MAP2: variants seen among roughly 807,000 people sequenced by gnomAD.
MAP2 encodes the protein microtubule associated protein 2.
In MAP2, 14 loss-of-function variants were observed where a neutral mutation model predicts 137.6. The ratio of observed to expected loss-of-function variants is 0.10; its 90% CI spans 0.07 to 0.16. The LOEUF (loss-of-function observed/expected upper bound fraction) is 0.16. Among genes scored for constraint, MAP2 ranks in the 10% least tolerant of loss-of-function variants. MAP2 has a pLI of 1.00. For missense variants in MAP2, 2,088 were observed against 2,191.5 expected, an observed-to-expected ratio of 0.95 and a Z score of 0.94; for synonymous variants, 786 against 782.3, an observed-to-expected ratio of 1.00 and a Z score of -0.08.
intron 7 of MAP2, among the ~76,000 whole-genome samples, chr2:209,685,750 T>C (rs1465261987): frequency 1.3e-5 from 2 of 152,220 alleles, no homozygotes; most frequent in African/African-American, 4.8e-5. Context: ...TACCATTTTT[T>C]TAAATGCTAT....
chr2:209,437,477 T>A (rs1696625195), intron 1 of MAP2, among the ~76,000 whole-genome samples: 1 of 151,682 alleles, frequency 6.6e-6, no homozygotes, highest in African/African-American at 2.4e-5. Context: ...GTTTTACATA[T>A]TCTCATGTGA....
chr2:209,608,759 C>T (rs1229567812), intron 3 of MAP2, among the ~76,000 whole-genome samples: 1 of 152,092 alleles, frequency 6.6e-6, no homozygotes, highest in Non-Finnish European at 1.5e-5. Flanking sequence ...AATTAGGATT[C>T]CATCCCCTCT....
At chr2:209,655,477 A>C (rs1163289526) in intron 5 of MAP2, among the ~76,000 whole-genome samples, 2 of 152,358 alleles carry the variant, frequency 1.3e-5, no homozygotes, top group Non-Finnish European at 2.9e-5. Context: ...ATGTCTACAG[A>C]GGATGTTCCA....
In MAP2 at chr2:209,541,282, G is replaced by A. The variant is rs375812643; in HGVS notation, c.-172+33641G>A. Among the ~76,000 whole-genome samples, 10 of 151,122 alleles carry A rather than the reference G, an allele frequency of 6.6e-5. No homozygotes were observed. In the East Asian group the frequency reaches 1.2e-3, roughly 18 times the overall value. On this transcript the variant is annotated intron_variant, in intron 2 of 15. Coordinates refer to ENST00000682079, the MANE Select transcript of MAP2 (RefSeq NM_001375505.1). Reference sequence around the variant, plus strand: ...TAACTTCAAGTGATCCATCTGCCTCGGCCTCCCGAAGTGCTGGGATTACAG... The same window carrying A: ...TAACTTCAAGTGATCCATCTGCCTCAGCCTCCCGAAGTGCTGGGATTACAG...
chr2:209,597,406 A>G (rs1579869126), intron 3 of MAP2, among the ~76,000 whole-genome samples: 1 of 152,172 alleles, frequency 6.6e-6, no homozygotes, highest in Admixed American at 6.5e-5. Flanking sequence ...ATTCAGTTCC[A>G]CTTTCTAACC....
chr2:209,720,850 A>C (rs753003365), intron 13 of MAP2, among the ~76,000 whole-genome samples: 5 of 152,090 alleles, frequency 3.3e-5, no homozygotes, highest in Non-Finnish European at 1.5e-5. Context: ...TAGGAAAACA[A>C]ATGTTTTTCT....
intron 3 of MAP2, among the ~76,000 whole-genome samples, chr2:209,616,207 T>G (rs1252309892): frequency 6.6e-6 from 1 of 152,228 alleles, no homozygotes; most frequent in Non-Finnish European, 1.5e-5. Context: ...CACACAAGCA[T>G]GGCCTAGTGA....
intron 2 of MAP2, among the ~76,000 whole-genome samples, chr2:209,566,662 G>C (rs916434743): frequency 6.6e-6 from 1 of 151,930 alleles, no homozygotes; most frequent in African/African-American, 2.4e-5. Context: ...AATCAGTCTT[G>C]GCGTTTCTGT....
intron 3 of MAP2, among the ~76,000 whole-genome samples, chr2:209,622,115 G>T (rs2091348381): frequency 6.6e-6 from 1 of 152,174 alleles, no homozygotes; most frequent in South Asian, 2.1e-4. Flanking sequence ...GCTCTAAAAG[G>T]TTCTGGAAGG....
intron 1 of MAP2, among the ~76,000 whole-genome samples, chr2:209,430,546 A>G (rs1225157759): frequency 2.0e-5 from 3 of 152,184 alleles, no homozygotes; most frequent in Admixed American, 2.0e-4. Context: ...AATGAAATCA[A>G]ATTAGATTAA....
At chr2:209,533,308 C>G (rs1343651938) in intron 2 of MAP2, among the ~76,000 whole-genome samples, 1 of 152,074 alleles carries the variant, frequency 6.6e-6, no homozygotes, top group Non-Finnish European at 1.5e-5. Flanking sequence ...CCACATCTGG[C>G]TAATTTTTGT....
intron 2 of MAP2, among the ~76,000 whole-genome samples, chr2:209,557,078 A>C (rs1023628896): frequency 6.6e-6 from 1 of 152,226 alleles, no homozygotes; most frequent in Non-Finnish European, 1.5e-5. Context: ...TGAACTGTTT[A>C]AAATAATTTA....
intron 2 of MAP2, among the ~76,000 whole-genome samples, chr2:209,521,958 A>G (rs1015625417): frequency 3.9e-5 from 6 of 152,166 alleles, no homozygotes; most frequent in African/African-American, 1.4e-4. Flanking sequence ...TCTTTTGACA[A>G]GCCATATTTT....
At position 209,696,613 on chromosome 2, in the gene MAP2, C is replaced by T. The variant is rs200795471; in HGVS notation, c.4252C>T (p.Arg1418Trp). 2.5e-5 allele frequency: 41 copies of T among 1,613,646 alleles called. No individual in the cohort carries two copies. The East Asian group carries it at 6.0e-4, about 24-fold the overall frequency. ...PKEEKAEKEA[R>W]RSSLEKHRKE... The stretch of plus-strand genomic sequence containing the variant: ...AGAGGAGAAAGCTGAAAAGGAAGCT[C>T]GGAGATCATCTCTTGAGAAACATAG... Residue 1418 changes from arginine (R) to tryptophan (W), a missense_variant, in exon 9 of 16, where the codon CGG becomes TGG. By Grantham distance (101) the Arg-to-Trp change is moderately radical (BLOSUM62 -3). Transcript: ENST00000682079.
chr2:209,555,817 T>G (rs2070431506), intron 2 of MAP2, among the ~76,000 whole-genome samples: 1 of 152,150 alleles, frequency 6.6e-6, no homozygotes, highest in Non-Finnish European at 1.5e-5. Context: ...AACTGGAGAA[T>G]GCCAATATTC....
At chr2:209,648,133 ACT>A (rs1172491859) in intron 4 of MAP2, among the ~76,000 whole-genome samples, 1 of 146,736 alleles carries the variant, frequency 6.8e-6, no homozygotes, top group Admixed American at 6.9e-5. Context: ...ACGCAGTCTC[ACT>A]CTGTTGCCCA....
At chr2:209,486,269 C>T (rs2058363227) in intron 1 of MAP2, among the ~76,000 whole-genome samples, 1 of 151,804 alleles carries the variant, frequency 6.6e-6, no homozygotes, top group Non-Finnish European at 1.5e-5. Context: ...TACTCTGTCA[C>T]CAGGCTGGAG....
intron 1 of MAP2, among the ~76,000 whole-genome samples, chr2:209,486,468 C>T (rs1020866467): frequency 5.3e-5 from 8 of 152,118 alleles, no homozygotes; most frequent in African/African-American, 1.9e-4. Context: ...ATGATCCACC[C>T]GCCTCAGCCT....
intron 3 of MAP2, among the ~76,000 whole-genome samples, chr2:209,602,281 A>G (rs1380686352): frequency 6.6e-6 from 1 of 152,232 alleles, no homozygotes; most frequent in Non-Finnish European, 1.5e-5. Context: ...TAATTGGCTT[A>G]AAAGACAAAT....
Sources: gnomAD v4.1 joint callset for allele counts (sites outside exome capture counted in the v4.1 genomes callset) on GRCh38, gnomAD v4.1.1 for gene constraint, MANE v1.5 for transcripts, NCBI Gene and HGNC (gene_info 2026-07-23, HGNC 2026-07-21) for gene names.